The following ARHGAP26 variants were observed in gnomAD, a reference collection of about 807,000 sequenced individuals.
ARHGAP26 encodes the protein Rho GTPase activating protein 26, also known as rho GTPase-activating protein 26.
In ARHGAP26, 38 loss-of-function variants were observed where a neutral mutation model predicts 104.8. The ratio of observed to expected loss-of-function variants is 0.36; its 90% confidence interval spans 0.28 to 0.48. The LOEUF (loss-of-function observed/expected upper bound fraction) is 0.48, where lower values mean the gene tolerates loss of function less well. ARHGAP26 is among the 20% of genes least tolerant of loss of function. ARHGAP26 has a pLI of 0.99. For missense variants in ARHGAP26, 704 were observed against 947.9 expected (o/e 0.74, Z 3.38); for synonymous variants, 341 against 340.0 (o/e 1.00, Z -0.03).
intron 14 of ARHGAP26, among the ~76,000 whole-genome samples, 156 bp downstream of exon 14, chr5:143,042,046 T>C (rs991047678): frequency 6.6e-6 from 1 of 152,204 alleles, no homozygotes; most frequent in African/African-American, 2.4e-5. Flanking sequence ...TCAGTTGTCA[T>C]GGCTTCAGAC....
rs150879080 is a variant in ARHGAP26 at position 143,060,525 on chromosome 5, A to C, written c.1538+2778A>C. Among the ~76,000 whole-genome samples the C allele has an allele frequency of 2.2e-3, 329 of 152,176 alleles. 1 individual carries two copies. Among genetic ancestry groups the C allele is most frequent in the African/African-American group, 7.8e-3 (323 of 41,504 alleles). On this transcript the variant is annotated intron_variant, in intron 17 of 22. Coordinates refer to ENST00000645722, the MANE Select transcript of ARHGAP26 (RefSeq NM_001135608.3). The stretch of plus-strand genomic sequence containing the variant: ...ACCAGGGTACATCCAAATCACAGAG[A>C]TGTTGGATTTGTTTCAGACCTCAGA...
intron 20 of ARHGAP26, among the ~76,000 whole-genome samples, chr5:143,196,473 G>C (rs146567449): frequency 5.1e-4 from 77 of 152,244 alleles, no homozygotes; most frequent in African/African-American, 1.7e-3. Flanking sequence ...TTCATCACCT[G>C]ATCAGTACAC....
At chr5:143,052,876 C>T (rs979224515) in intron 14 of ARHGAP26, among the ~76,000 whole-genome samples, 5 of 152,128 alleles carry the variant, frequency 3.3e-5, no homozygotes, top group Non-Finnish European at 7.4e-5. Context: ...CATTGATGTC[C>T]CAGAATTATT....
At chr5:143,206,716 T>C (rs1808616656) in intron 20 of ARHGAP26, among the ~76,000 whole-genome samples, 1 of 152,130 alleles carries the variant, frequency 6.6e-6, no homozygotes, top group South Asian at 2.1e-4. Context: ...TAGTTAAAAA[T>C]GCAAACAGGA....
At chr5:143,138,482 G>A (rs1183061169) in intron 19 of ARHGAP26, among the ~76,000 whole-genome samples, 1 of 152,194 alleles carries the variant, frequency 6.6e-6, no homozygotes, top group African/African-American at 2.4e-5. Flanking sequence ...AAAGTTATCT[G>A]TAGACAGTCA....
chr5:143,075,195 T>G (rs1417046337), intron 17 of ARHGAP26, among the ~76,000 whole-genome samples: 2 of 152,192 alleles, frequency 1.3e-5, no homozygotes, highest in Non-Finnish European at 2.9e-5. Flanking sequence ...AAGTGTGCCT[T>G]TAACATTTCA....
At chr5:143,142,284 GC>G (rs1259183662) in intron 19 of ARHGAP26, among the ~76,000 whole-genome samples, 1 of 151,572 alleles carries the variant, frequency 6.6e-6, no homozygotes, top group African/African-American at 2.4e-5. Context: ...GACTGCATGC[GC>G]CCGCCACCAC....
At chr5:143,122,519 A>G (rs928679431) in intron 18 of ARHGAP26, among the ~76,000 whole-genome samples, 2 of 152,170 alleles carry the variant, frequency 1.3e-5, no homozygotes, top group African/African-American at 4.8e-5. Flanking sequence ...AAATCACAAC[A>G]AGTTTAGTTT....
At position 143,222,469 on chromosome 5, in the gene ARHGAP26, T is replaced by A. The variant is rs1291272931; in HGVS notation, c.*23T>A. ...TAACCGTGGGCCCCAGCAGAACTGC[T>A]GAGCTTTACATGGTATCCATGACAA... On this transcript the variant is annotated 3_prime_UTR_variant, in exon 23 of 23. Transcript: ENST00000645722. 6.4e-7 allele frequency: 1 copy of A among 1,567,842 alleles called. No homozygotes were observed. Among genetic ancestry groups the A allele is most frequent in the Admixed American group, 1.8e-5 (1 of 56,890 alleles).
intron 20 of ARHGAP26, 155 bp downstream of exon 20, chr5:143,147,536 G>A: frequency 1.2e-6 from 1 of 811,348 alleles, no homozygotes; most frequent in South Asian, 2.1e-5. Flanking sequence ...CTTGTTGTGG[G>A]TTTTTAAAGC....
At chr5:143,107,860 T>G (rs1164718056) in intron 17 of ARHGAP26, among the ~76,000 whole-genome samples, 1 of 152,242 alleles carries the variant, frequency 6.6e-6, no homozygotes, top group Non-Finnish European at 1.5e-5. Flanking sequence ...TCAATGAGTT[T>G]CCAGCTTTGT....
intron 1 of ARHGAP26, among the ~76,000 whole-genome samples, chr5:142,816,475 G>A (rs940511378): frequency 3.9e-5 from 6 of 152,224 alleles, no homozygotes; most frequent in Non-Finnish European, 5.9e-5. Flanking sequence ...ACAATTCACA[G>A]GAGGATAGTC....
intron 1 of ARHGAP26, among the ~76,000 whole-genome samples, chr5:142,819,650 A>G (rs1232515870): frequency 1.3e-5 from 2 of 152,318 alleles, no homozygotes; most frequent in African/African-American, 4.8e-5. Context: ...GATAGGGGAG[A>G]TGATTTTAGG....
intron 17 of ARHGAP26, among the ~76,000 whole-genome samples, chr5:143,109,874 A>G (rs534786237): frequency 1.3e-5 from 2 of 152,264 alleles, no homozygotes; most frequent in East Asian, 1.9e-4. Context: ...ATTGCTTTTC[A>G]TCTCACTCAG....
chr5:142,886,029 A>T lies in ARHGAP26; in HGVS notation c.486+630A>T, dbSNP rs1351410791. ...ACTTGGAAAGAAAAATGATGGAGCCATCGCAGCCGTGGAGCTGTGACCATT... is the reference window on the plus strand; with the variant it reads ...ACTTGGAAAGAAAAATGATGGAGCCTTCGCAGCCGTGGAGCTGTGACCATT... On this transcript the variant is annotated intron_variant, in intron 5 of 22. Coordinates refer to ENST00000645722, the MANE Select transcript of ARHGAP26 (RefSeq NM_001135608.3). Among the ~76,000 whole-genome samples, 3 of 152,214 alleles carry T rather than the reference A, an allele frequency of 2.0e-5. No homozygotes were observed. The East Asian group carries it at 5.8e-4, about 29-fold the overall frequency.
At chr5:142,778,305 A>G (rs1756763629) in intron 1 of ARHGAP26, among the ~76,000 whole-genome samples, 3 of 152,254 alleles carry the variant, frequency 2.0e-5, no homozygotes, top group African/African-American at 4.8e-5. Context: ...ACAAAATATT[A>G]TGACATGGAT....
chr5:143,197,340 A>G (rs1807032827), intron 20 of ARHGAP26, among the ~76,000 whole-genome samples: 1 of 152,222 alleles, frequency 6.6e-6, no homozygotes, highest in South Asian at 2.1e-4. Context: ...CTGCAGCAAA[A>G]TATGAGTTAC....
chr5:143,120,724 A>G (rs1796031778), intron 17 of ARHGAP26, among the ~76,000 whole-genome samples: 1 of 152,222 alleles, frequency 6.6e-6, no homozygotes, highest in South Asian at 2.1e-4. Context: ...AATTTGGCAG[A>G]TAGTTGCTTT....
intron 11 of ARHGAP26, among the ~76,000 whole-genome samples, chr5:143,012,548 C>CAT (rs1414408846): frequency 0.098 from 2,290 of 23,334 alleles, 357 homozygotes; most frequent in African/African-American, 0.2. Context: ...TATATACATA[C>CAT]ATACATATAT....
Sources: gnomAD v4.1 joint callset for allele counts (sites outside exome capture counted in the v4.1 genomes callset) on GRCh38, gnomAD v4.1.1 for gene constraint, MANE v1.5 for transcripts, NCBI Gene and HGNC (gene_info 2026-07-23, HGNC 2026-07-21) for gene names.